Variants in ZDHHC14 observed in about 807,000 individuals in gnomAD.
ZDHHC14 encodes palmitoyltransferase ZDHHC14.
Under a neutral mutation model 47.7 loss-of-function variants are expected in ZDHHC14, and 16 were observed. That is an observed-to-expected ratio of 0.34 (90% CI 0.23 to 0.51). The LOEUF (loss-of-function observed/expected upper bound fraction) is 0.51, where lower values mean the gene tolerates loss of function less well. ZDHHC14 is among the 20% of genes least tolerant of loss of function. The pLI is 0.97. For missense variants in ZDHHC14, 515 were observed against 662.5 expected (o/e 0.78, Z 2.44); for synonymous variants, 293 against 278.9 (o/e 1.05, Z -0.50).
intron 1 of ZDHHC14, among the ~76,000 whole-genome samples, chr6:157,510,781 C>T (rs558038792): frequency 1.3e-5 from 2 of 152,308 alleles, no homozygotes; most frequent in South Asian, 2.1e-4. Flanking sequence ...GCAAGGGGGG[C>T]GTTCATTGCG....
intron 2 of ZDHHC14, among the ~76,000 whole-genome samples, chr6:157,552,545 C>T (rs1164619546): frequency 6.6e-6 from 1 of 152,032 alleles, no homozygotes; most frequent in Non-Finnish European, 1.5e-5. Context: ...TGAAAGGCAG[C>T]TCAGGAACAA....
chr6:157,570,829 A>G (rs981944118), intron 2 of ZDHHC14, among the ~76,000 whole-genome samples: 2 of 151,986 alleles, frequency 1.3e-5, no homozygotes, highest in African/African-American at 4.8e-5. Context: ...ATATATATAT[A>G]TACACACACA....
At chr6:157,388,495 T>G (rs1777361809) in intron 1 of ZDHHC14, among the ~76,000 whole-genome samples, 1 of 152,202 alleles carries the variant, frequency 6.6e-6, no homozygotes, top group African/African-American at 2.4e-5. Flanking sequence ...GTGCATTTGT[T>G]ATTTTATAGG....
intron 1 of ZDHHC14, among the ~76,000 whole-genome samples, chr6:157,528,849 T>A (rs1781264558): frequency 7.6e-6 from 1 of 132,400 alleles, no homozygotes; most frequent in Non-Finnish European, 1.6e-5. Flanking sequence ...AGACTGGGGG[T>A]GGGAGTGGGC....
chr6:157,584,624 CA>C (rs1783623486), intron 2 of ZDHHC14, among the ~76,000 whole-genome samples: 1 of 152,148 alleles, frequency 6.6e-6, no homozygotes, highest in South Asian at 2.1e-4. Flanking sequence ...AGAAGTTAAA[CA>C]GCTGATAGAA....
intron 1 of ZDHHC14, among the ~76,000 whole-genome samples, chr6:157,522,890 A>ATCCTTCCT (rs1170981998): frequency 0.015 from 397 of 25,710 alleles, 74 homozygotes; most frequent in South Asian, 0.027. Flanking sequence ...TCTTCCTACC[A>ATCCTTCCT]TCCTTCCTTC....
At chr6:157,406,305 CTGTT>C (rs1376928358) in intron 1 of ZDHHC14, among the ~76,000 whole-genome samples, 8 of 152,180 alleles carry the variant, frequency 5.3e-5, no homozygotes, top group Admixed American at 1.3e-4. Flanking sequence ...ATCCGTGTAT[CTGTT>C]TGGCTATTCT....
At chr6:157,422,018 C>T (rs1404111507) in intron 1 of ZDHHC14, among the ~76,000 whole-genome samples, 2 of 152,286 alleles carry the variant, frequency 1.3e-5, no homozygotes, top group Admixed American at 1.3e-4. Flanking sequence ...GAGGGGCAGG[C>T]GATTTAGCTC....
intron 1 of ZDHHC14, among the ~76,000 whole-genome samples, chr6:157,476,427 A>G (rs904081154): frequency 4.6e-5 from 7 of 152,220 alleles, no homozygotes; most frequent in Admixed American, 3.3e-4. Context: ...GTCTGCCATC[A>G]AAGAAAAGCC....
At chr6:157,537,127 T>G (rs1404347383) in intron 1 of ZDHHC14, among the ~76,000 whole-genome samples, 1 of 152,204 alleles carries the variant, frequency 6.6e-6, no homozygotes, top group Admixed American at 6.5e-5. Flanking sequence ...TCCATCTATC[T>G]TTTTAATGAC....
chr6:157,454,461 C>A (rs1583659393), intron 1 of ZDHHC14, among the ~76,000 whole-genome samples: 1 of 151,044 alleles, frequency 6.6e-6, no homozygotes, highest in Non-Finnish European at 1.5e-5. Context: ...TGCAACATAA[C>A]ATTACTGATT....
At chr6:157,482,401 G>A (rs1583690533) in intron 1 of ZDHHC14, among the ~76,000 whole-genome samples, 1 of 151,372 alleles carries the variant, frequency 6.6e-6, no homozygotes, top group South Asian at 2.1e-4. Context: ...TTACAGGCAC[G>A]TGCCATCATC....
At chr6:157,403,788 G>A (rs1299254777) in intron 1 of ZDHHC14, among the ~76,000 whole-genome samples, 5 of 152,198 alleles carry the variant, frequency 3.3e-5, no homozygotes, top group South Asian at 2.1e-4. Flanking sequence ...TAACATAGAC[G>A]CTGCCACCCA....
chr6:157,431,860 C>G (rs1410453460), intron 1 of ZDHHC14, among the ~76,000 whole-genome samples: 1 of 151,878 alleles, frequency 6.6e-6, no homozygotes. Context: ...CTGCAAATAG[C>G]TGGGACCACA....
Position 157,469,825 on chromosome 6 carries a change from C to T in ZDHHC14, c.246-72760C>T, listed in dbSNP as rs147350319. 3.6e-3 allele frequency among the ~76,000 whole-genome samples: 546 copies of T among 152,310 alleles called. 4 individuals carry two copies. The highest frequency in any genetic ancestry group is 0.012 in the African/African-American group (508 of 41,570). ...CAGGTGCCCGGAAGTGGAGCAGAGC[C>T]GGAAAGATTTGGCAAACTGCTCTCA... On this transcript the variant is annotated intron_variant, in intron 1 of 8. Coordinates refer to ENST00000359775, the MANE Select transcript of ZDHHC14 (RefSeq NM_024630.3).
chr6:157,504,903 T>C (rs1334211611), intron 1 of ZDHHC14, among the ~76,000 whole-genome samples: 1 of 152,030 alleles, frequency 6.6e-6, no homozygotes, highest in Non-Finnish European at 1.5e-5. Context: ...CTTTGCCTCC[T>C]GGGTTCAAGC....
intron 1 of ZDHHC14, among the ~76,000 whole-genome samples, chr6:157,429,733 C>A (rs537778257): frequency 6.6e-6 from 1 of 152,292 alleles, no homozygotes; most frequent in East Asian, 1.9e-4. Context: ...CATATTTCAT[C>A]TCTCAATATC....
At chr6:157,591,951 T>C (rs1395397513) in intron 2 of ZDHHC14, among the ~76,000 whole-genome samples, 1 of 152,184 alleles carries the variant, frequency 6.6e-6, no homozygotes, top group Non-Finnish European at 1.5e-5. Flanking sequence ...GAAGCTCTCA[T>C]GGAAGTTCTT....
At chr6:157,513,356 T>TGGC (rs1405642331) in intron 1 of ZDHHC14, among the ~76,000 whole-genome samples, 52 of 152,368 alleles carry the variant, frequency 3.4e-4, no homozygotes, top group African/African-American at 1.3e-3. Flanking sequence ...AGTGTGGTGG[T>TGGC]GGCGTCCACA....
Sources: gnomAD v4.1 joint callset for allele counts (sites outside exome capture counted in the v4.1 genomes callset) on GRCh38, gnomAD v4.1.1 for gene constraint, MANE v1.5 for transcripts, NCBI Gene and HGNC (gene_info 2026-07-23, HGNC 2026-07-21) for gene names.